Variants in CNTN4 observed in about 807,000 individuals in gnomAD.
The protein encoded by CNTN4 is contactin-4.
In CNTN4, 77 loss-of-function variants were observed where a neutral mutation model predicts 122.5. The ratio of observed to expected loss-of-function variants is 0.63; its 90% CI spans 0.52 to 0.76. CNTN4 has a LOEUF of 0.76. CNTN4 is among the 30% of genes least tolerant of loss of function. The pLI is 0.00. For missense variants in CNTN4, 1,256 were observed against 1,259.1 expected (o/e 1.00, Z 0.04); for synonymous variants, 512 against 447.0 (o/e 1.15, Z -1.83).
chr3:2,665,637 C>T (rs1189700324), intron 4 of CNTN4, among the ~76,000 whole-genome samples: 2 of 152,092 alleles, frequency 1.3e-5, no homozygotes, highest in African/African-American at 4.8e-5. Flanking sequence ...ATAGCAAATT[C>T]CCTATGGGAT....
chr3:2,720,240 G>C (rs1270049715), intron 4 of CNTN4, among the ~76,000 whole-genome samples: 3 of 152,090 alleles, frequency 2.0e-5, no homozygotes, highest in African/African-American at 7.2e-5. Flanking sequence ...ATGTCAATGA[G>C]ATAGAGATGC....
chr3:2,958,162 A>G (rs2094818964), intron 13 of CNTN4, among the ~76,000 whole-genome samples: 4 of 152,294 alleles, frequency 2.6e-5, no homozygotes, highest in African/African-American at 9.6e-5. Flanking sequence ...GAAAATCTCC[A>G]TGCTTCCCAA....
chr3:3,018,142 A>G (rs1260371322), intron 14 of CNTN4, among the ~76,000 whole-genome samples: 1 of 152,212 alleles, frequency 6.6e-6, no homozygotes, highest in Non-Finnish European at 1.5e-5. Flanking sequence ...CTCCCATTTA[A>G]GGATGAATTA....
At chr3:2,459,885 G>T (rs1464381607) in intron 3 of CNTN4, among the ~76,000 whole-genome samples, 1 of 152,126 alleles carries the variant, frequency 6.6e-6, no homozygotes, top group Non-Finnish European at 1.5e-5. Context: ...TTTAACTGTT[G>T]TCAGTCTTCT....
intron 7 of CNTN4, among the ~76,000 whole-genome samples, chr3:2,825,739 GC>G (rs2092972979): frequency 2.0e-5 from 3 of 152,092 alleles, no homozygotes; most frequent in African/African-American, 7.2e-5. Context: ...TATTCAGCCA[GC>G]TTTCCTACAT....
intron 6 of CNTN4, among the ~76,000 whole-genome samples, chr3:2,798,757 C>T (rs1431057216): frequency 1.3e-5 from 2 of 152,128 alleles, no homozygotes; most frequent in African/African-American, 4.8e-5. Flanking sequence ...GTACTGCACC[C>T]ACCTCAACCT....
intron 2 of CNTN4, among the ~76,000 whole-genome samples, chr3:2,326,462 G>T (rs2043460693): frequency 6.7e-6 from 1 of 149,502 alleles, no homozygotes; most frequent in Non-Finnish European, 1.5e-5. Context: ...TTAATTGTGT[G>T]AGCCAATTCC....
In CNTN4 at chr3:2,703,986, T is replaced by G. The variant is rs574546534; in HGVS notation, c.56-32229T>G. 5.3e-5 allele frequency among the ~76,000 whole-genome samples: 8 copies of G among 152,182 alleles called. No individual in the cohort carries two copies. In the East Asian group the frequency reaches 1.5e-3, roughly 29 times the overall value. On this transcript the variant is annotated intron_variant, in intron 4 of 24. Coordinates refer to ENST00000418658, the MANE Select transcript of CNTN4 (RefSeq NM_175607.3). ...AAGAGATGAGAAAAAAGAACTAGGC[T>G]TCTTTCCAAGATTAAGTTGATCTGG...
intron 4 of CNTN4, among the ~76,000 whole-genome samples, chr3:2,601,191 A>C (rs1378342706): frequency 1.3e-5 from 2 of 152,044 alleles, no homozygotes; most frequent in Non-Finnish European, 2.9e-5. Context: ...GTTGTGCAGA[A>C]GCTCTTTAGT....
rs189885264 is a variant in CNTN4, at chr3:2,709,378, G to T, written c.56-26837G>T. 6.6e-5 allele frequency among the ~76,000 whole-genome samples: 10 copies of T among 152,116 alleles called. No individual in the cohort carries two copies. In the East Asian group the frequency reaches 1.7e-3, roughly 27 times the overall value. On this transcript the variant is annotated intron_variant, in intron 4 of 24. Transcript: ENST00000418658. This position sits in a 1 kb window ranked among gnomAD's most constrained non-coding sequence, Gnocchi z 5.0. Reference sequence around the variant, plus strand: ...TACTGATGCGTAGGTCTCACGCCTGGTTAGGATTTGATTGGTAAGGGTACA... The same window carrying T: ...TACTGATGCGTAGGTCTCACGCCTGTTTAGGATTTGATTGGTAAGGGTACA...
chr3:2,987,065 C>A (rs1250257748), intron 13 of CNTN4, among the ~76,000 whole-genome samples: 1 of 152,076 alleles, frequency 6.6e-6, no homozygotes, highest in Non-Finnish European at 1.5e-5. Context: ...ACACTGAGAT[C>A]CTGAAGGTGA....
At chr3:2,284,928 C>A (rs1220626313) in intron 2 of CNTN4, among the ~76,000 whole-genome samples, 1 of 151,610 alleles carries the variant, frequency 6.6e-6, no homozygotes, top group East Asian at 1.9e-4. Context: ...GAAAAAAATG[C>A]ATTAATGCTT....
intron 3 of CNTN4, among the ~76,000 whole-genome samples, chr3:2,373,497 T>A (rs1235657686): frequency 6.6e-6 from 1 of 152,250 alleles, no homozygotes; most frequent in Non-Finnish European, 1.5e-5. Context: ...ACTCTTTAAA[T>A]GGATACATGA....
At chr3:3,013,041 T>G (rs1697393797) in intron 14 of CNTN4, among the ~76,000 whole-genome samples, 1 of 152,122 alleles carries the variant, frequency 6.6e-6, no homozygotes, top group Non-Finnish European at 1.5e-5. Context: ...ACTCTCGAAA[T>G]AAGTGTCTCT....
intron 3 of CNTN4, among the ~76,000 whole-genome samples, chr3:2,435,766 T>C (rs1424026726): frequency 6.6e-6 from 1 of 152,168 alleles, no homozygotes; most frequent in African/African-American, 2.4e-5. Flanking sequence ...TATTTAAAAA[T>C]AAAACCTAGA....
At chr3:2,412,400 C>T (rs2047257787) in intron 3 of CNTN4, among the ~76,000 whole-genome samples, 1 of 151,994 alleles carries the variant, frequency 6.6e-6, no homozygotes, top group Non-Finnish European at 1.5e-5. Context: ...TACAGGTCCC[C>T]ACCACCATGC....
chr3:2,368,240 G>A (rs1173773282), intron 3 of CNTN4, among the ~76,000 whole-genome samples: 4 of 151,332 alleles, frequency 2.6e-5, no homozygotes, highest in Non-Finnish European at 4.4e-5. Flanking sequence ...CACCATGTTA[G>A]CCAGGATGGT....
intron 5 of CNTN4, among the ~76,000 whole-genome samples, chr3:2,740,146 C>T (rs2089377951): frequency 6.6e-6 from 1 of 152,056 alleles, no homozygotes; most frequent in Admixed American, 6.5e-5. Context: ...GGCTTGAGGC[C>T]AGGAGTTTGA....
At chr3:2,733,872 G>A (rs1313322587) in intron 4 of CNTN4, among the ~76,000 whole-genome samples, 7 of 151,960 alleles carry the variant, frequency 4.6e-5, no homozygotes, top group Non-Finnish European at 7.4e-5. Context: ...TATTTTGTGT[G>A]CTTTCATAAA....
Sources: allele counts gnomAD v4.1 joint callset (sites outside exome capture counted in the v4.1 genomes callset), GRCh38; gene constraint gnomAD v4.1.1; non-coding constraint Gnocchi (gnomAD v3.1); transcripts MANE v1.5; gene names NCBI Gene and HGNC (gene_info 2026-07-23, HGNC 2026-07-21).